MYO5B: variants seen among roughly 807,000 people sequenced by gnomAD.
MYO5B encodes unconventional myosin-Vb.
Under a neutral mutation model 229.3 loss-of-function variants are expected in MYO5B, and 143 were observed. The observed-to-expected ratio is 0.62, with a 90% CI of 0.54 to 0.72. The LOEUF (loss-of-function observed/expected upper bound fraction) is 0.72. Ranked by LOEUF, MYO5B falls within the 30% of genes least tolerant of loss-of-function variation. The pLI, the probability that MYO5B is intolerant of heterozygous loss-of-function variation, is 0.00. For synonymous variants in MYO5B, 918 were observed against 885.2 expected (o/e 1.04, Z -0.66); for missense variants, 2,321 against 2,331.0 (o/e 1.00, Z 0.09).
chr18:50,179,382 G>A (rs1238587481), intron 1 of MYO5B, among the ~76,000 whole-genome samples: 1 of 152,194 alleles, frequency 6.6e-6, no homozygotes, highest in African/African-American at 2.4e-5. Context: ...ATGGTTCCCA[G>A]TGACTAAGCC....
intron 4 of MYO5B, among the ~76,000 whole-genome samples, chr18:50,016,210 T>C (rs2026213725): frequency 6.6e-6 from 1 of 152,214 alleles, no homozygotes; most frequent in South Asian, 2.1e-4. Flanking sequence ...TCATTCTTTT[T>C]CTTTTTATTT....
chr18:50,161,761 G>A (rs930784012), intron 1 of MYO5B, among the ~76,000 whole-genome samples: 1 of 152,204 alleles, frequency 6.6e-6, no homozygotes, highest in Non-Finnish European at 1.5e-5. Flanking sequence ...CCAGGTTCCT[G>A]AACACTGCAA....
intron 1 of MYO5B, among the ~76,000 whole-genome samples, chr18:50,125,253 C>T (rs1790467): frequency 0.82 from 124,440 of 151,830 alleles, 51,307 homozygotes; most frequent in Admixed American, 0.87. Flanking sequence ...ACCATCATTC[C>T]GAGCAAACTG....
chr18:50,175,503 T>C (rs1364226489), intron 1 of MYO5B, among the ~76,000 whole-genome samples: 3 of 152,242 alleles, frequency 2.0e-5, no homozygotes, highest in South Asian at 2.1e-4. Flanking sequence ...GAAACCTATT[T>C]CTTTAAGAAA....
chr18:50,100,501 C>T (rs2031634050), intron 1 of MYO5B, among the ~76,000 whole-genome samples: 1 of 152,178 alleles, frequency 6.6e-6, no homozygotes, highest in South Asian at 2.1e-4. Context: ...TGAGAAACGG[C>T]CTGCATGGTA....
At position 49,875,333 on chromosome 18, in the gene MYO5B, G is replaced by A. The variant is rs536225247; in HGVS notation, c.3537+354C>T. Among the ~76,000 whole-genome samples the A allele has an allele frequency of 3.3e-5, 5 of 152,288 alleles. No individual in the cohort carries two copies. The South Asian group carries it at 6.2e-4, about 19-fold the overall frequency. ...TGCAAGATCCCAGGTATGAAAGGGCGATAGGTCATCTCTGTGTACATTTGA... is the reference window on the plus strand; with the variant it reads ...TGCAAGATCCCAGGTATGAAAGGGCAATAGGTCATCTCTGTGTACATTTGA... On this transcript the variant is annotated intron_variant, in intron 26 of 39. Coordinates refer to ENST00000285039, the MANE Select transcript of MYO5B (RefSeq NM_001080467.3).
At position 49,936,234 on chromosome 18, in the gene MYO5B, T is replaced by C; in HGVS notation, c.2003+18A>G. ...TCTAAGGCTGGGCTGGACAGGCTAATGCCCAGCAGGCACTTACTGAAAGGG... is the reference window on the plus strand; with the variant it reads ...TCTAAGGCTGGGCTGGACAGGCTAACGCCCAGCAGGCACTTACTGAAAGGG... On this transcript the variant is annotated intron_variant, in intron 16 of 39. Transcript: ENST00000285039. The C allele has an allele frequency of 1.9e-6, 3 of 1,569,500 alleles. No homozygotes were observed. Among genetic ancestry groups the C allele is most frequent in the South Asian group, 1.2e-5 (1 of 86,128 alleles).
At chr18:50,152,258 G>T (rs1346942305) in intron 1 of MYO5B, among the ~76,000 whole-genome samples, 1 of 152,150 alleles carries the variant, frequency 6.6e-6, no homozygotes, top group Non-Finnish European at 1.5e-5. Flanking sequence ...TAATCACAAA[G>T]CATAAGCTGC....
chr18:49,945,148 C>G (rs145695932), intron 14 of MYO5B, among the ~76,000 whole-genome samples: 6 of 152,274 alleles, frequency 3.9e-5, no homozygotes, highest in African/African-American at 1.4e-4. Context: ...TTTGCATTGC[C>G]ATTTTCCAGA....
At chr18:50,143,840 C>T (rs1023734388) in intron 1 of MYO5B, among the ~76,000 whole-genome samples, 2 of 152,192 alleles carry the variant, frequency 1.3e-5, no homozygotes, top group African/African-American at 4.8e-5. Flanking sequence ...CTGCCTTAAT[C>T]CATCTGGCAA....
At chr18:49,950,286 A>T (rs983896684) in intron 14 of MYO5B, among the ~76,000 whole-genome samples, 4 of 152,136 alleles carry the variant, frequency 2.6e-5, no homozygotes, top group African/African-American at 7.2e-5. Flanking sequence ...GGTGAGGGGG[A>T]AAGCTAGCAT....
intron 21 of MYO5B, among the ~76,000 whole-genome samples, chr18:49,895,913 A>T (rs2024774082): frequency 6.6e-6 from 1 of 152,318 alleles, no homozygotes; most frequent in East Asian, 1.9e-4. Flanking sequence ...TCAGCACCGC[A>T]AGAGTTGAGG....
At chr18:49,928,291 T>G (rs1418092446) in intron 17 of MYO5B, among the ~76,000 whole-genome samples, 1 of 152,186 alleles carries the variant, frequency 6.6e-6, no homozygotes, top group African/African-American at 2.4e-5. Flanking sequence ...GGTGGGAATG[T>G]AAACTAGAAC....
At chr18:49,926,779 A>G (rs535477395) in intron 17 of MYO5B, among the ~76,000 whole-genome samples, 1 of 152,230 alleles carries the variant, frequency 6.6e-6, no homozygotes. Context: ...AAAGGAGTCT[A>G]TTGAGGAATG....
chr18:49,984,676 T>C (rs770163045), intron 8 of MYO5B, 42 bp downstream of exon 8: 2 of 1,465,904 alleles, frequency 1.4e-6, no homozygotes, highest in Non-Finnish European at 1.9e-6. Flanking sequence ...CTCCGTGCCA[T>C]CAGCCCTCGG....
At position 50,000,673 on chromosome 18, in the gene MYO5B, C is replaced by T. The variant is rs1389891111; in HGVS notation, c.612+582G>A. ...GAGCCCACCCTAGTCCAGCCCCTATCATGAAGGCTGAGGAGTGAAGACACA... is the reference window on the plus strand; with the variant it reads ...GAGCCCACCCTAGTCCAGCCCCTATTATGAAGGCTGAGGAGTGAAGACACA... On this transcript the variant is annotated intron_variant, in intron 5 of 39. Transcript: ENST00000285039. Among the ~76,000 whole-genome samples the T allele has an allele frequency of 2.0e-5, 3 of 152,176 alleles. No individual in the cohort carries two copies. In the East Asian group the frequency reaches 5.8e-4, roughly 29 times the overall value.
At position 50,116,278 on chromosome 18, in the gene MYO5B, G is replaced by T. The variant is rs1219202111; in HGVS notation, c.28-60900C>A. 7.9e-5 allele frequency among the ~76,000 whole-genome samples: 12 copies of T among 152,164 alleles called. No homozygotes were observed. In the East Asian group the frequency reaches 2.3e-3, roughly 29 times the overall value. On this transcript the variant is annotated intron_variant, in intron 1 of 39. Coordinates refer to ENST00000285039, the MANE Select transcript of MYO5B (RefSeq NM_001080467.3). ...TCTCTGCAGTATAGGCGGAGTACTT[G>T]AGGGATGGAGCAGCCTGATCACTAG...
chr18:49,984,848 G>T (rs761223910), intron 7 of MYO5B, 23 bp from the exon 8 acceptor site: 7 of 1,500,334 alleles, frequency 4.7e-6, no homozygotes, highest in Non-Finnish European at 5.6e-6. Flanking sequence ...AGGAAATAAG[G>T]CATGAGGCAC....
At chr18:49,944,652 T>G (rs950302630) in intron 14 of MYO5B, among the ~76,000 whole-genome samples, 4 of 152,062 alleles carry the variant, frequency 2.6e-5, no homozygotes, top group African/African-American at 9.7e-5. Context: ...GCTGACCAGA[T>G]GATTCCTTTA....
Sources: gnomAD v4.1 joint callset for allele counts (sites outside exome capture counted in the v4.1 genomes callset) on GRCh38, gnomAD v4.1.1 for gene constraint, MANE v1.5 for transcripts, NCBI Gene and HGNC (gene_info 2026-07-23, HGNC 2026-07-21) for gene names.